Variants in FBXW10B observed in about 807,000 individuals in gnomAD.
FBXW10B encodes F-box and WD repeat domain containing 10B, also known as F-box and WD repeat domain containing protein 10B.
the FBXW10B span, among the ~76,000 whole-genome samples, chr17:15,578,224 C>T: frequency 6.6e-6 from 1 of 151,178 alleles, no homozygotes; most frequent in African/African-American, 2.4e-5. Context: ...GCCTGCTGTG[C>T]CAGGCTGGTC....
the FBXW10B span, among the ~76,000 whole-genome samples, chr17:15,602,784 C>A: frequency 2.5e-5 from 3 of 122,264 alleles, no homozygotes; most frequent in South Asian, 8.1e-4. Flanking sequence ...CCCGCCACCT[C>A]GCCCGGCTAA....
At chr17:15,612,845 A>G in the FBXW10B span, 7 of 1,596,492 alleles carry the variant, frequency 4.4e-6, no homozygotes, top group Non-Finnish European at 6.0e-6. Flanking sequence ...AAAAAAAACC[A>G]AAAATAAAAA....
chr17:15,588,372 C>G, the FBXW10B span: 1 of 188,142 alleles, frequency 5.3e-6, no homozygotes, highest in Admixed American at 5.3e-5. Context: ...AGGGGAAGAA[C>G]AGCTTCCAGA....
chr17:15,611,208 G>A, the FBXW10B span, among the ~76,000 whole-genome samples: 9 of 151,932 alleles, frequency 5.9e-5, no homozygotes, highest in African/African-American at 2.2e-4. Flanking sequence ...ATTTTTAGTA[G>A]AGACAGGGTT....
chr17:15,608,463 AT>A, the FBXW10B span, among the ~76,000 whole-genome samples: 54 of 148,450 alleles, frequency 3.6e-4, 1 homozygote, highest in African/African-American at 1.2e-3. Flanking sequence ...CCCGGCTGCA[AT>A]TTTTTTAAGA....
chr17:15,575,456 C>T, the FBXW10B span, among the ~76,000 whole-genome samples: 1 of 149,826 alleles, frequency 6.7e-6, no homozygotes, highest in Non-Finnish European at 1.5e-5. Context: ...TCCAGTTACT[C>T]TTCTATTTCT....
At chr17:15,588,199 G>A in the FBXW10B span, among the ~76,000 whole-genome samples, 4,269 of 101,806 alleles carry the variant, frequency 0.042, no homozygotes, top group South Asian at 0.053. Context: ...GTCACGTTAC[G>A]GCACTGGTAC....
the FBXW10B span, chr17:15,613,971 C>G: frequency 6.5e-7 from 1 of 1,545,414 alleles, no homozygotes; most frequent in Non-Finnish European, 8.8e-7. Flanking sequence ...GTTATGTCTG[C>G]TTTTCCAGAA....
chr17:15,613,675 T>C, the FBXW10B span: 3 of 1,602,522 alleles, frequency 1.9e-6, no homozygotes, highest in Non-Finnish European at 2.5e-6. Context: ...TCTTGACCTG[T>C]TGAGCCATGG....
At chr17:15,593,082 G>A in the FBXW10B span, among the ~76,000 whole-genome samples, 5 of 145,102 alleles carry the variant, frequency 3.4e-5, no homozygotes, top group Admixed American at 6.9e-5. Flanking sequence ...CAGCCTGTGC[G>A]ACAGAGTGAA....
At chr17:15,602,422 C>T in the FBXW10B span, among the ~76,000 whole-genome samples, 8 of 151,852 alleles carry the variant, frequency 5.3e-5, no homozygotes, top group Admixed American at 3.3e-4. Flanking sequence ...CTCTACCTAA[C>T]GCCACATACA....
chr17:15,594,711 C>T, the FBXW10B span: 1 of 1,609,842 alleles, frequency 6.2e-7, no homozygotes, highest in Non-Finnish European at 8.5e-7. Context: ...AAGGGAAGGA[C>T]ACCAGGTTCA....
the FBXW10B span, chr17:15,589,076 T>G: frequency 2.5e-6 from 4 of 1,593,884 alleles, no homozygotes; most frequent in East Asian, 6.7e-5. Flanking sequence ...ACGGGCAGCC[T>G]CGATGCTGGT....
the FBXW10B span, among the ~76,000 whole-genome samples, chr17:15,580,353 CACAG>C: frequency 1.3e-5 from 2 of 152,086 alleles, no homozygotes; most frequent in Admixed American, 1.3e-4. Context: ...AAGAATCACT[CACAG>C]AGATTATTAA....
the FBXW10B span, among the ~76,000 whole-genome samples, chr17:15,600,816 G>A: frequency 2.0e-5 from 3 of 151,950 alleles, no homozygotes; most frequent in African/African-American, 7.3e-5. Flanking sequence ...TTGGTAGGCC[G>A]AGGTGGGCAG....
the FBXW10B span, among the ~76,000 whole-genome samples, chr17:15,578,908 G>A: frequency 1.3e-5 from 2 of 151,918 alleles, no homozygotes; most frequent in Admixed American, 1.3e-4. Flanking sequence ...TCTTTTATAG[G>A]CAATCTTTCT....
the FBXW10B span, chr17:15,605,552 G>A: frequency 1.4e-6 from 2 of 1,442,922 alleles, no homozygotes; most frequent in Non-Finnish European, 1.9e-6. Context: ...AACAAGGGAG[G>A]CAGCAGAAGG....
chr17:15,610,894 CCT>C, the FBXW10B span, among the ~76,000 whole-genome samples: 22 of 152,210 alleles, frequency 1.4e-4, no homozygotes, highest in African/African-American at 5.3e-4. Context: ...CAAATGAATA[CCT>C]CTTTCACTCA....
chr17:15,618,379 T>A, the FBXW10B span, among the ~76,000 whole-genome samples: 1 of 151,470 alleles, frequency 6.6e-6, no homozygotes, highest in Non-Finnish European at 1.5e-5. Flanking sequence ...ACCTGCTGAG[T>A]CTGAAGTTCT....
Sources: gnomAD v4.1 joint callset for allele counts (sites outside exome capture counted in the v4.1 genomes callset) on GRCh38, gnomAD v4.1.1 for gene constraint, MANE v1.5 for transcripts, NCBI Gene and HGNC (gene_info 2026-07-23, HGNC 2026-07-21) for gene names.